Variants in BCAS4 observed in about 807,000 individuals in gnomAD.
The protein encoded by BCAS4 is breast carcinoma-amplified sequence 4.
BCAS4 carries 9 observed loss-of-function variants against 15.7 expected under a neutral mutation model. That is an observed-to-expected ratio of 0.57 (90% CI 0.34 to 1.00). BCAS4 has a LOEUF of 1.00. BCAS4 is among the 50% of genes least tolerant of loss of function. The pLI is 0.02. For missense variants in BCAS4, 225 were observed against 239.1 expected, an observed-to-expected ratio of 0.94 and a Z score of 0.39; for synonymous variants, 101 against 99.5, an observed-to-expected ratio of 1.02 and a Z score of -0.09.
intron 1 of BCAS4, among the ~76,000 whole-genome samples, chr20:50,811,781 C>G (rs907621573): frequency 6.6e-6 from 1 of 152,160 alleles, no homozygotes; most frequent in Non-Finnish European, 1.5e-5. Context: ...TGCCACCAGG[C>G]CTGGCTAACT....
chr20:50,823,111 G>A lies in BCAS4; in HGVS notation c.162+4829G>A, dbSNP rs182288909. Among the ~76,000 whole-genome samples, 703 of 151,894 alleles carry A rather than the reference G, an allele frequency of 4.6e-3. 2 individuals carry two copies. Among genetic ancestry groups the A allele is most frequent in the African/African-American group, 0.015 (635 of 41,500 alleles). ...TCCCAGCACTTTGGGAGGCCGAGGCGGGTGGATCACCTGAGGTCAGGAGTT... is the reference window on the plus strand; with the variant it reads ...TCCCAGCACTTTGGGAGGCCGAGGCAGGTGGATCACCTGAGGTCAGGAGTT... On this transcript the variant is annotated intron_variant, in intron 2 of 4. Coordinates refer to ENST00000371608, the MANE Select transcript of BCAS4 (RefSeq NM_198799.4).
At chr20:50,855,270 C>T (rs1978695339) in intron 4 of BCAS4, among the ~76,000 whole-genome samples, 1 of 152,210 alleles carries the variant, frequency 6.6e-6, no homozygotes, top group Admixed American at 6.5e-5. Context: ...ATCTCCATCT[C>T]TGTTGGTATT....
chr20:50,871,893 GC>G (rs1267653874), intron 4 of BCAS4, among the ~76,000 whole-genome samples: 1 of 152,200 alleles, frequency 6.6e-6, no homozygotes, highest in Non-Finnish European at 1.5e-5. Flanking sequence ...CCTGCTCTTG[GC>G]CCCAGCCTGA....
At chr20:50,813,782 G>A (rs1313292791) in intron 1 of BCAS4, among the ~76,000 whole-genome samples, 1 of 141,864 alleles carries the variant, frequency 7.0e-6, no homozygotes, top group East Asian at 2.0e-4. Context: ...GCCACTTTGT[G>A]AGAAGCGGGG....
chr20:50,870,271 C>G (rs915171335), intron 4 of BCAS4, among the ~76,000 whole-genome samples: 1 of 152,190 alleles, frequency 6.6e-6, no homozygotes, highest in African/African-American at 2.4e-5. Context: ...TAGGGCTTCC[C>G]GAGAGGGAGA....
chr20:50,821,768 C>T (rs975352019), intron 2 of BCAS4, among the ~76,000 whole-genome samples: 8 of 152,152 alleles, frequency 5.3e-5, no homozygotes, highest in Admixed American at 4.6e-4. Flanking sequence ...TCCAGCTTCC[C>T]GTCTGCTCTA....
chr20:50,837,889 A>AT (rs1427678905), intron 3 of BCAS4, among the ~76,000 whole-genome samples: 7 of 152,226 alleles, frequency 4.6e-5, no homozygotes, highest in Admixed American at 4.6e-4. Context: ...TTTTACAAGC[A>AT]TATGTGCTGG....
chr20:50,871,466 G>A (rs978771601), intron 4 of BCAS4, among the ~76,000 whole-genome samples: 2 of 152,226 alleles, frequency 1.3e-5, no homozygotes, highest in East Asian at 1.9e-4. Context: ...TGATTCAGGC[G>A]GCTGGTTTCA....
intron 4 of BCAS4, among the ~76,000 whole-genome samples, chr20:50,872,431 C>G (rs1266197429): frequency 1.3e-5 from 2 of 150,088 alleles, no homozygotes; most frequent in African/African-American, 4.9e-5. Context: ...ATTAGCTGGA[C>G]GTGGTGGCGG....
intron 2 of BCAS4, among the ~76,000 whole-genome samples, chr20:50,819,367 A>G (rs57030160): frequency 0.2 from 29,872 of 151,736 alleles, 3,698 homozygotes; most frequent in African/African-American, 0.36. Flanking sequence ...AGAGCTCCAT[A>G]TTGTGACCAG....
chr20:50,854,338 C>G (rs1177037121), intron 4 of BCAS4, among the ~76,000 whole-genome samples: 1 of 152,076 alleles, frequency 6.6e-6, no homozygotes, highest in African/African-American at 2.4e-5. Flanking sequence ...CATTTGGCAG[C>G]TTCTATGTAG....
At chr20:50,858,375 G>T (rs1425378228) in intron 4 of BCAS4, among the ~76,000 whole-genome samples, 1 of 152,154 alleles carries the variant, frequency 6.6e-6, no homozygotes. Flanking sequence ...GCCGAGGTGG[G>T]TGGATCATCT....
chr20:50,876,452 A>G (rs1180077348), intron 4 of BCAS4, 34 bp from the exon 5 acceptor site: 2 of 1,608,748 alleles, frequency 1.2e-6, no homozygotes, highest in East Asian at 2.2e-5. Context: ...GTGGATCCAA[A>G]TCGCTGATAG....
intron 3 of BCAS4, among the ~76,000 whole-genome samples, chr20:50,834,293 T>C (rs866256144): frequency 8.8e-6 from 1 of 114,124 alleles, no homozygotes; most frequent in Admixed American, 8.1e-5. Context: ...CGAACTCTTC[T>C]TTTTTTTTTT....
chr20:50,859,181 A>T (rs1335283558), intron 4 of BCAS4, among the ~76,000 whole-genome samples: 1 of 152,018 alleles, frequency 6.6e-6, no homozygotes, highest in Non-Finnish European at 1.5e-5. Flanking sequence ...GGCTCCAGTG[A>T]TCCTTCCGCC....
At chr20:50,837,425 G>C (rs78623895) in intron 3 of BCAS4, among the ~76,000 whole-genome samples, 11 of 150,238 alleles carry the variant, frequency 7.3e-5, no homozygotes, top group African/African-American at 2.5e-4. Flanking sequence ...CTGTGTCCAG[G>C]GGGGAAAATG....
chr20:50,811,733 A>G (rs771327442), intron 1 of BCAS4, among the ~76,000 whole-genome samples: 8 of 151,956 alleles, frequency 5.3e-5, no homozygotes, highest in Non-Finnish European at 1.2e-4. Flanking sequence ...AGCGATTCTC[A>G]TGCCTCAGCC....
At chr20:50,864,439 AT>A (rs397866091) in intron 4 of BCAS4, among the ~76,000 whole-genome samples, 25,598 of 97,708 alleles carry the variant, frequency 0.26, 2,069 homozygotes, top group African/African-American at 0.28. Context: ...ATCATGATTG[AT>A]TTTTTTTTTT....
At position 50,873,332 on chromosome 20, in the gene BCAS4, C is replaced by T. The variant is rs535104690; in HGVS notation, c.400-3154C>T. 1.9e-4 allele frequency among the ~76,000 whole-genome samples: 29 copies of T among 152,288 alleles called. No homozygotes were observed. In the East Asian group the frequency reaches 3.7e-3, roughly 19 times the overall value. On this transcript the variant is annotated intron_variant, in intron 4 of 4. Transcript: ENST00000371608. Reference sequence around the variant, plus strand: ...GAGGCCCAGCTGGCCTAGGAGAGGCCGCCTGGCTGGGCCGAACACTGGCTC... The same window carrying T: ...GAGGCCCAGCTGGCCTAGGAGAGGCTGCCTGGCTGGGCCGAACACTGGCTC...
Sources: gnomAD v4.1 joint callset for allele counts (sites outside exome capture counted in the v4.1 genomes callset) on GRCh38, gnomAD v4.1.1 for gene constraint, MANE v1.5 for transcripts, NCBI Gene and HGNC (gene_info 2026-07-23, HGNC 2026-07-21) for gene names.